The following SKAP1 variants were observed in gnomAD, a reference collection of about 807,000 sequenced individuals.
The protein encoded by SKAP1 is src kinase associated phosphoprotein 1, also known as src kinase-associated phosphoprotein 1.
In SKAP1, 44 loss-of-function variants were observed where a neutral mutation model predicts 58.5. That is an observed-to-expected ratio of 0.75 (90% CI 0.59 to 0.97). The LOEUF is 0.97. Among genes scored for constraint, SKAP1 ranks in the 50% least tolerant of loss-of-function variants. The pLI, the probability that SKAP1 is intolerant of heterozygous loss-of-function variation, is 0.00. For synonymous variants in SKAP1, 127 were observed against 149.7 expected (o/e 0.85, Z 1.11); for missense variants, 390 against 435.2 (o/e 0.90, Z 0.92).
At chr17:48,364,809 T>A (rs930321283) in intron 2 of SKAP1, among the ~76,000 whole-genome samples, 1 of 152,206 alleles carries the variant, frequency 6.6e-6, no homozygotes, top group African/African-American at 2.4e-5. Flanking sequence ...GCTCTTGCAG[T>A]TCATTGTACC....
At chr17:48,419,518 G>C (rs1255184952) in intron 1 of SKAP1, among the ~76,000 whole-genome samples, 1 of 151,986 alleles carries the variant, frequency 6.6e-6, no homozygotes. Flanking sequence ...CCTGACCTCA[G>C]GTGATCCACC....
At chr17:48,317,987 G>T (rs1231894712) in intron 4 of SKAP1, among the ~76,000 whole-genome samples, 1 of 152,152 alleles carries the variant, frequency 6.6e-6, no homozygotes, top group Non-Finnish European at 1.5e-5. Flanking sequence ...AAAATGAAAA[G>T]ATTTAGAAAG....
At chr17:48,145,337 G>A (rs1378734831) in intron 11 of SKAP1, among the ~76,000 whole-genome samples, 2 of 151,318 alleles carry the variant, frequency 1.3e-5, no homozygotes, top group Non-Finnish European at 2.9e-5. Context: ...TAGACGCAGC[G>A]CTCACCATCA....
chr17:48,226,841 G>T (rs2065074278), intron 4 of SKAP1, among the ~76,000 whole-genome samples: 1 of 152,040 alleles, frequency 6.6e-6, no homozygotes, highest in South Asian at 2.1e-4. Context: ...TGCTATTTAG[G>T]GTGAGCTCGC....
intron 3 of SKAP1, among the ~76,000 whole-genome samples, chr17:48,362,301 A>C (rs11651669): frequency 0.17 from 26,243 of 152,054 alleles, 2,323 homozygotes; most frequent in Non-Finnish European, 0.19. Context: ...CTCTTGTGTT[A>C]AGCTCCAAAA....
At chr17:48,235,871 TAGA>T (rs1296002211) in intron 4 of SKAP1, among the ~76,000 whole-genome samples, 1 of 152,172 alleles carries the variant, frequency 6.6e-6, no homozygotes, top group Non-Finnish European at 1.5e-5. Context: ...CAGAGAATAC[TAGA>T]AGATCTGTCT....
At chr17:48,369,326 A>C (rs566979178) in intron 2 of SKAP1, among the ~76,000 whole-genome samples, 1 of 151,868 alleles carries the variant, frequency 6.6e-6, no homozygotes, top group South Asian at 2.1e-4. Context: ...CCCTGTCTCT[A>C]CAAAAAGTAC....
Position 48,402,535 on chromosome 17 carries a change from G to A in SKAP1, c.47-5750C>T, listed in dbSNP as rs142383412. 3.5e-3 allele frequency among the ~76,000 whole-genome samples: 537 copies of A among 152,110 alleles called. 2 individuals are homozygous for A. The highest frequency in any genetic ancestry group is 5.6e-3 in the Non-Finnish European group (383 of 68,006). On this transcript the variant is annotated intron_variant, in intron 1 of 12. Transcript: ENST00000336915. ...AGTAGAGATGGGGTTTCATCACTTCGCCCAGGCTGGTCTTGAACTCCTAGA... is the reference window on the plus strand; with the variant it reads ...AGTAGAGATGGGGTTTCATCACTTCACCCAGGCTGGTCTTGAACTCCTAGA...
intron 4 of SKAP1, among the ~76,000 whole-genome samples, chr17:48,303,269 G>A (rs2066087308): frequency 6.6e-6 from 1 of 151,840 alleles, no homozygotes; most frequent in African/African-American, 2.4e-5. Flanking sequence ...CCACTGTCCT[G>A]TGATACTGTG....
At chr17:48,141,951 TCTGA>T (rs1377629418) in intron 11 of SKAP1, among the ~76,000 whole-genome samples, 3 of 152,172 alleles carry the variant, frequency 2.0e-5, no homozygotes, top group Non-Finnish European at 2.9e-5. Context: ...CTTGACACTC[TCTGA>T]CTGTGTGGGG....
At chr17:48,154,103 GCCC>G (rs2063939112) in intron 11 of SKAP1, among the ~76,000 whole-genome samples, 1 of 152,134 alleles carries the variant, frequency 6.6e-6, no homozygotes, top group African/African-American at 2.4e-5. Context: ...CTTTTAAGTA[GCCC>G]ATTGAGGAAG....
intron 4 of SKAP1, among the ~76,000 whole-genome samples, chr17:48,257,453 C>T (rs1482332633): frequency 3.3e-5 from 5 of 151,846 alleles, no homozygotes; most frequent in African/African-American, 1.2e-4. Context: ...TAAAGAGGAC[C>T]AAAACAGGTG....
chr17:48,240,781 G>C (rs1048078283), intron 4 of SKAP1, among the ~76,000 whole-genome samples: 4 of 152,156 alleles, frequency 2.6e-5, no homozygotes, highest in Admixed American at 6.5e-5. Context: ...AGTTAAACCT[G>C]AAAGTGCTGC....
intron 4 of SKAP1, among the ~76,000 whole-genome samples, chr17:48,285,239 T>C (rs1416762702): frequency 6.6e-6 from 1 of 152,230 alleles, no homozygotes; most frequent in Non-Finnish European, 1.5e-5. Flanking sequence ...GTGATTCTAG[T>C]AAAGGAGCAG....
chr17:48,319,927 G>C (rs2066339719), intron 4 of SKAP1, among the ~76,000 whole-genome samples: 1 of 152,044 alleles, frequency 6.6e-6, no homozygotes, highest in South Asian at 2.1e-4. Context: ...GAAAGCTTAT[G>C]ACCAAGTATC....
intron 5 of SKAP1, among the ~76,000 whole-genome samples, chr17:48,188,644 C>T (rs972157735): frequency 6.6e-6 from 1 of 151,740 alleles, no homozygotes; most frequent in Admixed American, 6.6e-5. Context: ...TATGATGGCG[C>T]TACTGTATTC....
At chr17:48,224,113 G>GAGGAGGAGT (rs2065041690) in intron 4 of SKAP1, among the ~76,000 whole-genome samples, 6 of 144,822 alleles carry the variant, frequency 4.1e-5, no homozygotes, top group African/African-American at 1.3e-4. Context: ...GGAGGAGGAG[G>GAGGAGGAGT]AACTTTCCAG....
At chr17:48,278,857 T>C (rs1380467452) in intron 4 of SKAP1, among the ~76,000 whole-genome samples, 1 of 152,128 alleles carries the variant, frequency 6.6e-6, no homozygotes, top group African/African-American at 2.4e-5. Flanking sequence ...AAGACATCCA[T>C]GTGTTACTAT....
At chr17:48,420,507 G>T (rs958439472) in intron 1 of SKAP1, among the ~76,000 whole-genome samples, 3 of 152,132 alleles carry the variant, frequency 2.0e-5, no homozygotes, top group African/African-American at 7.2e-5. Context: ...GATAAAGAAA[G>T]AAAGTGACAA....
Sources: allele counts gnomAD v4.1 joint callset (sites outside exome capture counted in the v4.1 genomes callset), GRCh38; gene constraint gnomAD v4.1.1; transcripts MANE v1.5; gene names NCBI Gene and HGNC (gene_info 2026-07-23, HGNC 2026-07-21).